Variants in CACNA1C observed in about 807,000 individuals in gnomAD.
CACNA1C encodes voltage-dependent L-type calcium channel subunit alpha-1C.
A neutral mutation model predicts 229.0 loss-of-function variants in CACNA1C; 30 were observed. That is an observed-to-expected ratio of 0.13 (90% CI 0.10 to 0.18). The LOEUF is 0.18. Ranked by LOEUF, CACNA1C falls within the 10% of genes least tolerant of loss-of-function variation. The pLI is 1.00. For synonymous variants in CACNA1C, 1,114 were observed against 1,132.5 expected (o/e 0.98, Z 0.33); for missense variants, 1,658 against 2,845.0 (o/e 0.58, Z 9.49).
chr12:2,226,913 C>T (rs2063173303), intron 3 of CACNA1C, among the ~76,000 whole-genome samples: 1 of 152,236 alleles, frequency 6.6e-6, no homozygotes, highest in South Asian at 2.1e-4. Flanking sequence ...GAAAGGGATG[C>T]ATCTGAATCC....
intron 4 of CACNA1C, among the ~76,000 whole-genome samples, chr12:2,454,066 C>G (rs2099401218): frequency 1.3e-5 from 2 of 152,212 alleles, no homozygotes; most frequent in African/African-American, 2.4e-5. Flanking sequence ...GCACCCCCAC[C>G]TCCCTGGAGC....
chr12:2,490,490 C>T (rs113802494), intron 6 of CACNA1C, among the ~76,000 whole-genome samples: 2,142 of 152,306 alleles, frequency 0.014, 52 homozygotes, highest in African/African-American at 0.042. Context: ...CTCTTTGTCC[C>T]GTCTCTGCTG....
intron 3 of CACNA1C, among the ~76,000 whole-genome samples, chr12:2,218,557 G>A (rs567640798): frequency 6.6e-6 from 1 of 152,292 alleles, no homozygotes; most frequent in South Asian, 2.1e-4. Context: ...GAAGTCCTAC[G>A]TCCAGCCTAG....
intron 1 of CACNA1C, among the ~76,000 whole-genome samples, chr12:2,083,807 T>C (rs1655157409): frequency 6.6e-6 from 1 of 152,198 alleles, no homozygotes; most frequent in Admixed American, 6.5e-5. Flanking sequence ...GCCATTTGAC[T>C]CTGTGGAAGC....
chr12:2,190,580 G>A (rs1047018573), intron 3 of CACNA1C, among the ~76,000 whole-genome samples: 1 of 152,216 alleles, frequency 6.6e-6, no homozygotes, highest in Admixed American at 6.5e-5. Flanking sequence ...GTAGAAATGA[G>A]TATAATACAG....
At chr12:2,122,459 G>A (rs1458823151) in intron 3 of CACNA1C, among the ~76,000 whole-genome samples, 1 of 152,106 alleles carries the variant, frequency 6.6e-6, no homozygotes, top group African/African-American at 2.4e-5. Context: ...GAATAAATAC[G>A]ACCTCATATC....
chr12:2,042,753 G>A (rs1166748541), intron 1 of CACNA1C, among the ~76,000 whole-genome samples: 1 of 152,160 alleles, frequency 6.6e-6, no homozygotes, highest in Non-Finnish European at 1.5e-5. Context: ...TCCGGTGAAC[G>A]TGAAGACTGA....
At chr12:1,988,574 T>G (rs990861924) in intron 1 of CACNA1C, among the ~76,000 whole-genome samples, 2 of 152,224 alleles carry the variant, frequency 1.3e-5, no homozygotes, top group African/African-American at 4.8e-5. Context: ...CTATTTCTTG[T>G]TTATTCTATC....
At chr12:2,476,564 G>A (rs528550779) in intron 5 of CACNA1C, among the ~76,000 whole-genome samples, 2 of 152,286 alleles carry the variant, frequency 1.3e-5, no homozygotes, top group African/African-American at 4.8e-5. Context: ...AGATCATCTT[G>A]TCTGCCTTTC....
intron 3 of CACNA1C, among the ~76,000 whole-genome samples, chr12:2,445,166 C>A (rs1263205166): frequency 6.6e-6 from 1 of 152,204 alleles, no homozygotes; most frequent in Non-Finnish European, 1.5e-5. Flanking sequence ...CTACTCCCTA[C>A]CCCCAGCACC....
At chr12:2,540,602 G>A (rs948229759) in intron 9 of CACNA1C, among the ~76,000 whole-genome samples, 13 of 152,162 alleles carry the variant, frequency 8.5e-5, no homozygotes, top group African/African-American at 2.7e-4. Flanking sequence ...CACAGGGCAC[G>A]GCAGTCCCAG....
At chr12:2,223,501 T>G (rs1281842113) in intron 3 of CACNA1C, 1 of 152,212 alleles carries the variant, frequency 6.6e-6, no homozygotes, top group Non-Finnish European at 1.5e-5. Flanking sequence ...AGCTGCTGAT[T>G]AAGTGTGTCA....
At chr12:2,294,725 G>A (rs569757735) in intron 3 of CACNA1C, among the ~76,000 whole-genome samples, 5 of 152,074 alleles carry the variant, frequency 3.3e-5, no homozygotes, top group East Asian at 1.9e-4. Context: ...GTAACATGTC[G>A]CCTCAATATT....
At chr12:2,421,232 C>G (rs1389629425) in intron 3 of CACNA1C, among the ~76,000 whole-genome samples, 1 of 152,188 alleles carries the variant, frequency 6.6e-6, no homozygotes, top group Admixed American at 6.5e-5. Flanking sequence ...GGGTTTGCAA[C>G]TATTTTGCTA....
In CACNA1C at chr12:2,054,635, C is replaced by CG. The variant is rs1490966987; in HGVS notation, c.49+1030dup. Among the ~76,000 whole-genome samples, 3 of 151,230 alleles carry CG rather than the reference C, an allele frequency of 2.0e-5. No homozygotes were observed. Among genetic ancestry groups the CG allele is most frequent in the Admixed American group, 6.6e-5 (1 of 15,230 alleles). The stretch of plus-strand genomic sequence containing the variant: ...TGCTTAGCATTTAAGGTTTTGGGGA[C>CG]GGGGGGTGCAGACAGGGTGGTCCAG... On this transcript the variant is annotated intron_variant, in intron 1 of 46. Coordinates refer to ENST00000399655, the MANE Select transcript of CACNA1C (RefSeq NM_000719.7). The surrounding 1 kb of genome is among the most constrained non-coding windows in gnomAD (Gnocchi z 5.5).
Position 2,488,160 on chromosome 12 carries a change from G to A in CACNA1C, c.916+1898G>A, listed in dbSNP as rs766668679. ...AGAGGTCTGTGCACCACAGAGTAAG[G>A]AGAGGGGCTCCAAAGCTGCAGGCAA... On this transcript the variant is annotated intron_variant, in intron 6 of 46. Coordinates refer to ENST00000399655, the MANE Select transcript of CACNA1C (RefSeq NM_000719.7). This position sits in a 1 kb window ranked among gnomAD's most constrained non-coding sequence, Gnocchi z 4.0. Among the ~76,000 whole-genome samples the A allele has an allele frequency of 2.6e-5, 4 of 152,236 alleles. No homozygotes were observed. The highest frequency in any genetic ancestry group is 4.4e-5 in the Non-Finnish European group (3 of 68,038).
rs1358695689 is a variant in CACNA1C at position 2,314,048 on chromosome 12, G to A, written c.478-134928G>A. On this transcript the variant is annotated intron_variant, in intron 3 of 46. Transcript: ENST00000399655. ...TCCAGATGGCCCAGCCCTTTCCTCT[G>A]TCTTATCCTCCCCCCCACTTCTTAT... 2.6e-5 allele frequency among the ~76,000 whole-genome samples: 4 copies of A among 152,116 alleles called. No homozygotes were observed. The South Asian group carries it at 6.2e-4, about 24-fold the overall frequency.
intron 9 of CACNA1C, among the ~76,000 whole-genome samples, chr12:2,513,999 A>G (rs2154579829): frequency 6.6e-6 from 1 of 152,296 alleles, no homozygotes; most frequent in South Asian, 2.1e-4. Context: ...CTCTTTCACT[A>G]TACATGTTTG....
intron 3 of CACNA1C, among the ~76,000 whole-genome samples, chr12:2,145,457 A>C (rs2154199468): frequency 6.6e-6 from 1 of 151,288 alleles, no homozygotes; most frequent in Non-Finnish European, 1.5e-5. Flanking sequence ...CTTTTCTTAC[A>C]CTTGTGGATT....
Sources: gnomAD v4.1 joint callset for allele counts (sites outside exome capture counted in the v4.1 genomes callset) on GRCh38, gnomAD v4.1.1 for gene constraint, Gnocchi (gnomAD v3.1) non-coding constraint, MANE v1.5 for transcripts, NCBI Gene and HGNC (gene_info 2026-07-23, HGNC 2026-07-21) for gene names.